The following TMEM131L variants were observed in gnomAD, a reference collection of about 807,000 sequenced individuals.
TMEM131L encodes the protein transmembrane protein 131-like.
Under a neutral mutation model 192.2 loss-of-function variants are expected in TMEM131L, and 54 were observed. The ratio of observed to expected loss-of-function variants is 0.28; its 90% confidence interval spans 0.23 to 0.35. The LOEUF is 0.35. Ranked by LOEUF, TMEM131L falls within the 10% of genes least tolerant of loss-of-function variation. The pLI, the probability that TMEM131L is intolerant of heterozygous loss-of-function variation, is 1.00. For missense variants in TMEM131L, 1,888 were observed against 1,972.9 expected (o/e 0.96, Z 0.82); for synonymous variants, 701 against 704.9 (o/e 0.99, Z 0.09).
At chr4:153,631,239 G>A (rs970733570) in intron 31 of TMEM131L, among the ~76,000 whole-genome samples, 1 of 152,242 alleles carries the variant, frequency 6.6e-6, no homozygotes, top group South Asian at 2.1e-4. Flanking sequence ...ATTTAAGGGA[G>A]CCCTTGGGAA....
intron 27 of TMEM131L, 123 bp downstream of exon 27, chr4:153,621,003 G>T: frequency 3.0e-6 from 2 of 671,406 alleles, no homozygotes; most frequent in East Asian, 3.2e-5. Context: ...GAGTGTAAAT[G>T]TTTATCTCTT....
intron 3 of TMEM131L, among the ~76,000 whole-genome samples, chr4:153,486,845 C>A (rs529442977): frequency 6.6e-6 from 1 of 152,360 alleles, no homozygotes; most frequent in African/African-American, 2.4e-5. Flanking sequence ...GGGAGCACAA[C>A]CCGGCTTTGC....
chr4:153,603,711 A>C (rs1732008402), intron 24 of TMEM131L, 91 bp from the exon 25 acceptor site: 1 of 1,378,084 alleles, frequency 7.3e-7, no homozygotes, highest in African/African-American at 1.5e-5. Flanking sequence ...CTCAGTACTG[A>C]TTGCTACCCT....
At chr4:153,627,542 C>A in intron 30 of TMEM131L, 63 bp from the exon 31 acceptor site, 1 of 1,259,606 alleles carries the variant, frequency 7.9e-7, no homozygotes, top group Non-Finnish European at 1.2e-6. Context: ...CGTGGTTATA[C>A]AATATCAGTA....
intron 19 of TMEM131L, among the ~76,000 whole-genome samples, chr4:153,594,787 T>C (rs1731312245): frequency 6.6e-6 from 1 of 152,154 alleles, no homozygotes; most frequent in Non-Finnish European, 1.5e-5. Context: ...GGGGGAGTGG[T>C]GAAGCCGTGC....
intron 3 of TMEM131L, among the ~76,000 whole-genome samples, chr4:153,545,200 T>C (rs2150363404): frequency 6.6e-6 from 1 of 152,234 alleles, no homozygotes; most frequent in Non-Finnish European, 1.5e-5. Flanking sequence ...TGAATCCCTG[T>C]GTCACATTGG....
At chr4:153,534,529 G>A (rs999682848) in intron 3 of TMEM131L, among the ~76,000 whole-genome samples, 2 of 152,166 alleles carry the variant, frequency 1.3e-5, no homozygotes, top group African/African-American at 4.8e-5. Flanking sequence ...TGCCTCCCGG[G>A]TTCAAGCGAT....
chr4:153,625,351 T>C (rs1456422439), intron 29 of TMEM131L, among the ~76,000 whole-genome samples: 3 of 151,416 alleles, frequency 2.0e-5, no homozygotes, highest in Non-Finnish European at 4.4e-5. Context: ...AGATCGCCAC[T>C]GCACTCCAGC....
intron 7 of TMEM131L, among the ~76,000 whole-genome samples, chr4:153,574,239 A>G (rs982224220): frequency 6.6e-6 from 1 of 152,220 alleles, no homozygotes; most frequent in East Asian, 1.9e-4. Context: ...AGGTTTTTGC[A>G]AATGTTTGCA....
chr4:153,585,540 C>G lies in TMEM131L; in HGVS notation c.1240C>G (p.Arg414Gly). Residue 414 changes from arginine (R) to glycine (G), a missense_variant, in exon 13 of 35, where the codon CGC (arginine) becomes GGC (glycine). Arg to Gly is a moderately radical substitution (Grantham distance 125, BLOSUM62 -2). Transcript: ENST00000409959. ...NTSGLWSIWY[R>G]NHFDRSVVLN... is the part of the protein sequence containing the mutation. ...ATCAGGACTTTGGTCAATATGGTAC[C>G]GCAACCATTTTGACCGTAGTGTTGT... The G allele has an allele frequency of 6.2e-7, 1 of 1,613,930 alleles. No individual in the cohort carries two copies.
intron 3 of TMEM131L, among the ~76,000 whole-genome samples, chr4:153,543,591 C>T (rs146695876): frequency 6.6e-6 from 1 of 152,132 alleles, no homozygotes; most frequent in Non-Finnish European, 1.5e-5. Flanking sequence ...GGTATAGACA[C>T]CCCCCAGGCT....
At chr4:153,474,260 A>G (rs1731369445) in intron 3 of TMEM131L, among the ~76,000 whole-genome samples, 1 of 152,194 alleles carries the variant, frequency 6.6e-6, no homozygotes, top group South Asian at 2.1e-4. Flanking sequence ...ACTTTACTGT[A>G]AGTAAAATAA....
At chr4:153,574,021 A>G (rs554074159) in intron 7 of TMEM131L, among the ~76,000 whole-genome samples, 1 of 152,362 alleles carries the variant, frequency 6.6e-6, no homozygotes, top group East Asian at 1.9e-4. Flanking sequence ...TGTGAATTCA[A>G]TAACTTGATT....
chr4:153,509,076 G>A (rs1734178239), intron 3 of TMEM131L, among the ~76,000 whole-genome samples: 1 of 152,112 alleles, frequency 6.6e-6, no homozygotes. Context: ...CGGGTGTGGT[G>A]GCTCATACCT....
chr4:153,486,633 C>T (rs914790367), intron 3 of TMEM131L, among the ~76,000 whole-genome samples: 3 of 152,196 alleles, frequency 2.0e-5, no homozygotes, highest in African/African-American at 4.8e-5. Context: ...GGTCTGTGTG[C>T]TTCACAGCCT....
chr4:153,498,571 G>A (rs888197207), intron 3 of TMEM131L, among the ~76,000 whole-genome samples: 3 of 152,062 alleles, frequency 2.0e-5, no homozygotes, highest in African/African-American at 7.2e-5. Context: ...GTAGGGAAGT[G>A]GGGGGTGAGC....
chr4:153,478,929 A>G (rs1731735516), intron 3 of TMEM131L, among the ~76,000 whole-genome samples: 1 of 152,234 alleles, frequency 6.6e-6, no homozygotes, highest in African/African-American at 2.4e-5. Flanking sequence ...CAGTTCCACA[A>G]AATGAATGCA....
At chr4:153,494,120 A>C (rs59045097) in intron 3 of TMEM131L, among the ~76,000 whole-genome samples, 8,739 of 152,010 alleles carry the variant, frequency 0.057, 588 homozygotes, top group East Asian at 0.23. Context: ...CATCTGTAAA[A>C]GTGGGCCAGT....
intron 3 of TMEM131L, among the ~76,000 whole-genome samples, chr4:153,498,182 C>T (rs1215072712): frequency 1.3e-5 from 2 of 152,162 alleles, no homozygotes; most frequent in African/African-American, 4.8e-5. Flanking sequence ...ACAAATGATG[C>T]TTGGTAGGCT....
Sources: allele counts gnomAD v4.1 joint callset (sites outside exome capture counted in the v4.1 genomes callset), GRCh38; gene constraint gnomAD v4.1.1; transcripts MANE v1.5; gene names NCBI Gene and HGNC (gene_info 2026-07-23, HGNC 2026-07-21).